Variants in UBE4B observed in about 807,000 individuals in gnomAD.
UBE4B encodes the protein ubiquitin conjugation factor E4 B.
UBE4B carries 27 observed loss-of-function variants against 148.1 expected under a neutral mutation model. The ratio of observed to expected loss-of-function variants is 0.18; its 90% CI spans 0.13 to 0.25. The LOEUF (loss-of-function observed/expected upper bound fraction) is 0.25. UBE4B is among the 10% of genes least tolerant of loss of function. The pLI, the probability that UBE4B is intolerant of heterozygous loss-of-function variation, is 1.00. For synonymous variants in UBE4B, 596 were observed against 619.3 expected, an observed-to-expected ratio of 0.96 and a Z score of 0.56; for missense variants, 1,170 against 1,662.4, an observed-to-expected ratio of 0.70 and a Z score of 5.15.
Position 10,130,176 on chromosome 1 carries a change from C to T in UBE4B, c.1696-324C>T, listed in dbSNP as rs113948577. ...GCAACCTCTGCCTCCTGGGTTCAAG[C>T]GATTCTCTTGGCCTCAGCCTCCCCA... On this transcript the variant is annotated intron_variant, in intron 12 of 27. Coordinates refer to ENST00000343090, the MANE Select transcript of UBE4B (RefSeq NM_001105562.3). Among the ~76,000 whole-genome samples, 889 of 151,986 alleles carry T rather than the reference C, an allele frequency of 5.8e-3. 12 individuals are homozygous for T. The highest frequency in any genetic ancestry group is 0.02 in the African/African-American group (840 of 41,474).
chr1:10,089,517 A>G (rs888390371), intron 2 of UBE4B, among the ~76,000 whole-genome samples: 1 of 151,786 alleles, frequency 6.6e-6, no homozygotes. Context: ...AAAAAAAAAA[A>G]GTTTTCAGGG....
intron 10 of UBE4B, among the ~76,000 whole-genome samples, chr1:10,125,709 G>A (rs1286872524): frequency 1.3e-5 from 2 of 152,152 alleles, no homozygotes; most frequent in African/African-American, 4.8e-5. Flanking sequence ...GTGTTGATCA[G>A]TGCTTGCATT....
chr1:10,065,349 A>C (rs7539725), intron 1 of UBE4B, among the ~76,000 whole-genome samples: 1 of 152,042 alleles, frequency 6.6e-6, no homozygotes, highest in East Asian at 1.9e-4. Context: ...CGGGAGGAGC[A>C]TGCGGGGGAG....
chr1:10,067,312 C>T (rs1644407149), intron 1 of UBE4B, among the ~76,000 whole-genome samples: 1 of 151,826 alleles, frequency 6.6e-6, no homozygotes, highest in South Asian at 2.1e-4. Context: ...AATGAGATTT[C>T]ATGATTAGTA....
intron 15 of UBE4B, among the ~76,000 whole-genome samples, chr1:10,133,223 T>A (rs1645625320): frequency 6.6e-6 from 1 of 152,050 alleles, no homozygotes; most frequent in Non-Finnish European, 1.5e-5. Context: ...AATGAATGAA[T>A]GATGTGATGT....
chr1:10,116,698 C>T (rs1378738722), intron 7 of UBE4B, among the ~76,000 whole-genome samples: 1 of 152,138 alleles, frequency 6.6e-6, no homozygotes. Flanking sequence ...AGGATAGTTA[C>T]TACTAACATA....
intron 1 of UBE4B, among the ~76,000 whole-genome samples, chr1:10,058,268 G>T (rs751610350): frequency 1.3e-5 from 2 of 152,052 alleles, no homozygotes; most frequent in Non-Finnish European, 2.9e-5. Context: ...TTTTTGAGTT[G>T]GATAAGTAAC....
chr1:10,096,774 C>T (rs923490829), intron 3 of UBE4B, among the ~76,000 whole-genome samples: 7 of 151,916 alleles, frequency 4.6e-5, no homozygotes, highest in African/African-American at 1.7e-4. Context: ...GGCGTGGTGG[C>T]TCACGCCTGT....
At chr1:10,151,202 G>A in intron 20 of UBE4B, 124 bp from the exon 21 acceptor site, 1 of 794,048 alleles carries the variant, frequency 1.3e-6, no homozygotes, top group African/African-American at 1.7e-5. Flanking sequence ...ATGAGTTCAA[G>A]GGCACTCCCA....
chr1:10,138,352 C>T (rs1054136678), intron 17 of UBE4B, among the ~76,000 whole-genome samples: 6 of 152,086 alleles, frequency 3.9e-5, no homozygotes, highest in Non-Finnish European at 5.9e-5. Flanking sequence ...CCGCCTCAGC[C>T]TCCCAAAGTG....
chr1:10,085,845 A>G (rs779335283), intron 2 of UBE4B, among the ~76,000 whole-genome samples: 1 of 152,114 alleles, frequency 6.6e-6, no homozygotes, highest in Non-Finnish European at 1.5e-5. Flanking sequence ...GCTGGAGTAC[A>G]GTGGCGCGAT....
At chr1:10,109,865 G>A (rs1237874442) in intron 7 of UBE4B, among the ~76,000 whole-genome samples, 2 of 152,050 alleles carry the variant, frequency 1.3e-5, no homozygotes, top group African/African-American at 2.4e-5. Context: ...TGGCCAGAGT[G>A]GTCTCAAACT....
At chr1:10,038,181 G>A (rs1643613931) in intron 1 of UBE4B, among the ~76,000 whole-genome samples, 2 of 151,936 alleles carry the variant, frequency 1.3e-5, no homozygotes, top group South Asian at 2.1e-4. Flanking sequence ...TCAGGAGGCT[G>A]AGGCAGGAGA....
At position 10,161,079 on chromosome 1, in the gene UBE4B, A is replaced by G; in HGVS notation, c.3054-63A>G. 2 of 1,577,642 alleles carry G rather than the reference A, an allele frequency of 1.3e-6. No individual in the cohort carries two copies. Among genetic ancestry groups the G allele is most frequent in the Non-Finnish European group, 1.7e-6 (2 of 1,156,054 alleles). ...TGGGTGGAGGTGCTTGTTCCCTGGGATTTGCTGTGGCATTTTGCTTCAGGG... is the reference window on the plus strand; with the variant it reads ...TGGGTGGAGGTGCTTGTTCCCTGGGGTTTGCTGTGGCATTTTGCTTCAGGG... On this transcript the variant is annotated intron_variant, in intron 22 of 27. Transcript: ENST00000343090. This position sits in a 1 kb window ranked among gnomAD's most constrained non-coding sequence, Gnocchi z 4.1.
chr1:10,138,746 T>C (rs528799913), intron 17 of UBE4B, among the ~76,000 whole-genome samples: 6 of 152,328 alleles, frequency 3.9e-5, no homozygotes, highest in Admixed American at 3.3e-4. Context: ...GCTTTCTATA[T>C]ATCCTCAGTT....
chr1:10,075,776 G>A (rs965097612), intron 2 of UBE4B, among the ~76,000 whole-genome samples: 1 of 152,184 alleles, frequency 6.6e-6, no homozygotes, highest in Non-Finnish European at 1.5e-5. Context: ...TTCAGGCCAG[G>A]TGCAGTGGCT....
intron 21 of UBE4B, among the ~76,000 whole-genome samples, chr1:10,155,948 G>A (rs1010306875): frequency 4.6e-5 from 7 of 151,704 alleles, no homozygotes; most frequent in South Asian, 2.1e-4. Flanking sequence ...TGCTTGAACC[G>A]GGACCTGGGA....
chr1:10,088,263 T>C (rs1002634774), intron 2 of UBE4B, among the ~76,000 whole-genome samples: 18 of 152,240 alleles, frequency 1.2e-4, no homozygotes, highest in Non-Finnish European at 1.5e-5. Context: ...GTCTTGTAAA[T>C]ATGAAGATCA....
rs755198924 is a variant in UBE4B, at chr1:10,171,337, A to G, written c.3525+8A>G. On this transcript the variant is annotated splice_region_variant and intron_variant, in intron 25 of 27. Transcript: ENST00000343090. ...GCCATTGCTGACGACCAGGTCAGTGAGTTGAGTTGGTCTCTCTGTGAGTTT... is the reference window on the plus strand; with the variant it reads ...GCCATTGCTGACGACCAGGTCAGTGGGTTGAGTTGGTCTCTCTGTGAGTTT... The G allele has an allele frequency of 1.2e-6, 2 of 1,612,264 alleles. No individual in the cohort carries two copies. The highest frequency in any genetic ancestry group is 1.7e-6 in the Non-Finnish European group (2 of 1,178,852).
Sources: gnomAD v4.1 joint callset for allele counts (sites outside exome capture counted in the v4.1 genomes callset) on GRCh38, gnomAD v4.1.1 for gene constraint, Gnocchi (gnomAD v3.1) non-coding constraint, MANE v1.5 for transcripts, NCBI Gene and HGNC (gene_info 2026-07-23, HGNC 2026-07-21) for gene names.